The following DMC1 variants were observed in gnomAD, a reference collection of about 807,000 sequenced individuals.
DMC1 encodes the protein meiotic recombination protein DMC1 homolog.
DMC1 carries 27 observed loss-of-function variants against 50.1 expected under a neutral mutation model. That is an observed-to-expected ratio of 0.54 (90% CI 0.40 to 0.74). The LOEUF (loss-of-function observed/expected upper bound fraction) is 0.74, where lower values mean the gene tolerates loss of function less well. DMC1 is among the 30% of genes least tolerant of loss of function. DMC1 has a pLI of 0.00. For missense variants in DMC1, 295 were observed against 420.2 expected (o/e 0.70, Z 2.60); for synonymous variants, 148 against 136.1 (o/e 1.09, Z -0.61).
chr22:38,538,294 C>A lies in DMC1; in HGVS notation c.775+1G>T. On this transcript the variant is annotated splice_donor_variant, in intron 11 of 13. Coordinates refer to ENST00000216024, the MANE Select transcript of DMC1 (RefSeq NM_007068.4). LOFTEE classifies it high-confidence loss of function. ...GATGCCATTTTATTTTAAAGATATACCTTCTGAGATTTTTTGGAGTCGTGA... is the reference window on the plus strand; with the variant it reads ...GATGCCATTTTATTTTAAAGATATAACTTCTGAGATTTTTTGGAGTCGTGA... 6.2e-7 allele frequency: 1 copy of A among 1,612,366 alleles called. No homozygotes were observed. Among genetic ancestry groups the A allele is most frequent in the Non-Finnish European group, 8.5e-7 (1 of 1,178,492 alleles).
chr22:38,552,445 A>G (rs982783467), intron 7 of DMC1, among the ~76,000 whole-genome samples: 1 of 152,118 alleles, frequency 6.6e-6, no homozygotes, highest in African/African-American at 2.4e-5. Flanking sequence ...ACTTCTCTCT[A>G]TTTCTACTCA....
intron 5 of DMC1, among the ~76,000 whole-genome samples, chr22:38,559,619 C>A (rs1468650694): frequency 6.6e-6 from 1 of 152,114 alleles, no homozygotes; most frequent in East Asian, 1.9e-4. Flanking sequence ...TATTGCACAC[C>A]TAGTTTATGC....
intron 12 of DMC1, among the ~76,000 whole-genome samples, chr22:38,531,694 G>A (rs950261964): frequency 1.3e-5 from 2 of 152,002 alleles, no homozygotes; most frequent in Non-Finnish European, 2.9e-5. Flanking sequence ...CAATTATAGT[G>A]AACCTTGTTT....
At position 38,530,617 on chromosome 22, in the gene DMC1, A is replaced by G. The variant is rs567847267; in HGVS notation, c.836+6975T>C. On this transcript the variant is annotated intron_variant, in intron 12 of 13. Transcript: ENST00000216024. ...TGCATAAAAGCACCTGGCACATGGT[A>G]AGTAATCAATAAACATAAATTAATT... Among the ~76,000 whole-genome samples, 19 of 152,308 alleles carry G rather than the reference A, an allele frequency of 1.2e-4. 1 individual carries two copies. The South Asian group carries it at 3.9e-3, about 32-fold the overall frequency.
intron 12 of DMC1, among the ~76,000 whole-genome samples, chr22:38,530,640 A>C (rs1423293992): frequency 2.0e-5 from 3 of 152,250 alleles, no homozygotes; most frequent in East Asian, 3.9e-4. Flanking sequence ...ACATAAATTA[A>C]TTTTGAGAGG....
chr22:38,551,405 G>A (rs572350247), intron 7 of DMC1, among the ~76,000 whole-genome samples: 14 of 151,196 alleles, frequency 9.3e-5, no homozygotes, highest in African/African-American at 3.2e-4. Context: ...CTCGGCCCAC[G>A]GCAACCTCTG....
chr22:38,518,013 C>G (rs2089988093), downstream of DMC1, among the ~76,000 whole-genome samples: 1 of 151,716 alleles, frequency 6.6e-6, no homozygotes. Context: ...CGCTCTGTCA[C>G]CCAGGCTGGA....
intron 5 of DMC1, among the ~76,000 whole-genome samples, chr22:38,558,347 C>T (rs993401998): frequency 1.3e-5 from 2 of 151,784 alleles, no homozygotes; most frequent in Admixed American, 1.3e-4. Context: ...TTAAAATGTG[C>T]TAGATTTATA....
At chr22:38,523,066 A>T (rs1261716013) in intron 12 of DMC1, among the ~76,000 whole-genome samples, 1 of 152,188 alleles carries the variant, frequency 6.6e-6, no homozygotes, top group Non-Finnish European at 1.5e-5. Flanking sequence ...CACCATAGTG[A>T]GGCCCTCTTA....
chr22:38,513,175 G>A, the DMC1 span, among the ~76,000 whole-genome samples: 1 of 152,144 alleles, frequency 6.6e-6, no homozygotes, highest in African/African-American at 2.4e-5. Context: ...CCACTCAGCA[G>A]TCTAGGAGCC....
chr22:38,532,709 T>C (rs954559533), intron 12 of DMC1, among the ~76,000 whole-genome samples: 1 of 151,868 alleles, frequency 6.6e-6, no homozygotes, highest in Non-Finnish European at 1.5e-5. Flanking sequence ...AGCCTTGACC[T>C]CCCAGGCTCA....
intron 12 of DMC1, among the ~76,000 whole-genome samples, chr22:38,528,914 A>G (rs2145813803): frequency 6.6e-6 from 1 of 152,368 alleles, no homozygotes; most frequent in African/African-American, 2.4e-5. Flanking sequence ...CTTCCTGACT[A>G]TTACAGCAGT....
Position 38,520,032 on chromosome 22 carries a change from A to G in DMC1, c.1011T>C (p.Asp337=). Residue 337 remains aspartate (D), a synonymous_variant, in exon 14 of 14, where the codon GAT becomes GAC. Transcript: ENST00000216024. Reference sequence around the variant, plus strand: ...ATCAATTCACCACCTACTCCTTGGCATCCCCAATTCCTCCAGCAGTTATTG... The same window carrying G: ...ATCAATTCACCACCTACTCCTTGGCGTCCCCAATTCCTCCAGCAGTTATTG... The part of the protein sequence containing the change: ...TFAITAGGIG[D]AKE 1 of 1,613,708 alleles carries G rather than the reference A, an allele frequency of 6.2e-7. No homozygotes were observed. The highest frequency in any genetic ancestry group is 1.1e-5 in the South Asian group (1 of 91,082).
At chr22:38,561,078 G>A (rs1453978039) in intron 5 of DMC1, among the ~76,000 whole-genome samples, 1 of 151,804 alleles carries the variant, frequency 6.6e-6, no homozygotes, top group Non-Finnish European at 1.5e-5. Context: ...GCTCACTAGA[G>A]CCTCAACCTC....
chr22:38,550,953 A>G (rs1233348391), intron 7 of DMC1, among the ~76,000 whole-genome samples: 11 of 145,386 alleles, frequency 7.6e-5, no homozygotes, highest in Admixed American at 4.7e-4. Context: ...AAAAAAAGAA[A>G]GAAAGAAAGA....
At chr22:38,545,877 C>A (rs2090338376) in intron 8 of DMC1, 1 of 152,254 alleles carries the variant, frequency 6.6e-6, no homozygotes, top group East Asian at 1.9e-4. Flanking sequence ...CTAAGACAAC[C>A]TATGCCCTAG....
At chr22:38,568,085 G>A (rs1354217055) in intron 2 of DMC1, 121 bp downstream of exon 2, 6 of 856,972 alleles carry the variant, frequency 7.0e-6, no homozygotes, top group African/African-American at 1.7e-5. Flanking sequence ...TTACATATTT[G>A]CAATATATAA....
intron 7 of DMC1, among the ~76,000 whole-genome samples, chr22:38,551,952 C>A (rs1001305601): frequency 2.0e-5 from 3 of 151,330 alleles, no homozygotes; most frequent in Non-Finnish European, 4.4e-5. Flanking sequence ...GCTCCGCCTC[C>A]CGGGTTCACG....
rs1052933493 is a variant in DMC1 at position 38,552,945 on chromosome 22, T to A, written c.380-238A>T. ...TCACTGCAACCTTCACCTCCCGGGT[T>A]CAAGCGATTCTCCTGACTCAGCCTC... On this transcript the variant is annotated intron_variant, in intron 6 of 13. Coordinates refer to ENST00000216024, the MANE Select transcript of DMC1 (RefSeq NM_007068.4). Among the ~76,000 whole-genome samples, 7 of 151,812 alleles carry A rather than the reference T, an allele frequency of 4.6e-5. No homozygotes were observed. In the East Asian group the frequency reaches 1.4e-3, roughly 30 times the overall value.
Sources: gnomAD v4.1 joint callset for allele counts (sites outside exome capture counted in the v4.1 genomes callset) on GRCh38, gnomAD v4.1.1 for gene constraint, MANE v1.5 for transcripts, NCBI Gene and HGNC (gene_info 2026-07-23, HGNC 2026-07-21) for gene names.